Variants in LMOD3 observed in about 807,000 individuals in gnomAD.
LMOD3 encodes the protein leiomodin 3.
A neutral mutation model predicts 41.8 loss-of-function variants in LMOD3; 31 were observed. That is an observed-to-expected ratio of 0.74 (90% CI 0.56 to 1.00). The LOEUF (loss-of-function observed/expected upper bound fraction) is 1.00. LMOD3 is among the 50% of genes least tolerant of loss of function. The pLI is 0.00. For missense variants in LMOD3, 755 were observed against 679.5 expected (o/e 1.11, Z -1.23); for synonymous variants, 292 against 241.9 (o/e 1.21, Z -1.92).
Position 69,106,477 on chromosome 3 carries a change from G to T in LMOD3, c.*2618C>A, listed in dbSNP as rs569140832. On this transcript the variant is annotated 3_prime_UTR_variant, in exon 3 of 3. Coordinates refer to ENST00000420581, the MANE Select transcript of LMOD3 (RefSeq NM_198271.5). ...TACATTTAAAAACAAGCTAAAATCT[G>T]CAACTAAGATCTTTAGGGTTGGGTG... Among the ~76,000 whole-genome samples, 1 of 152,128 alleles carries T rather than the reference G, an allele frequency of 6.6e-6. No homozygotes were observed. Among genetic ancestry groups the T allele is most frequent in the Non-Finnish European group, 1.5e-5 (1 of 68,034 alleles).
chr3:69,109,183 GCAAAATTTA>G (rs2092337043), intron 2 of LMOD3, 62 bp from the exon 3 acceptor site: 2 of 1,514,520 alleles, frequency 1.3e-6, no homozygotes, highest in Non-Finnish European at 1.8e-6. Context: ...GAGCTTTGCA[GCAAAATTTA>G]CAAAATTTAC....
At chr3:69,120,949 A>G (rs1416659968) in intron 1 of LMOD3, among the ~76,000 whole-genome samples, 1 of 152,166 alleles carries the variant, frequency 6.6e-6, no homozygotes, top group Non-Finnish European at 1.5e-5. Context: ...CAGTATAGCA[A>G]GTTGAGACAC....
At position 69,111,954 on chromosome 3, in the gene LMOD3, C is replaced by T. The variant is rs564374706; in HGVS notation, c.1657-2833G>A. ...TTTAAAAATTAACCCTTTAATCTAT[C>T]CATAATATCAAATATTTTTTAAAAA... is the stretch of plus-strand genomic sequence containing the variant. On this transcript the variant is annotated intron_variant, in intron 2 of 2. Transcript: ENST00000420581. Among the ~76,000 whole-genome samples, 112 of 152,246 alleles carry T rather than the reference C, an allele frequency of 7.4e-4. 2 individuals carry two copies. The highest frequency in any genetic ancestry group is 2.5e-3 in the African/African-American group (102 of 41,542).
Position 69,109,100 on chromosome 3 carries a change from C to A in LMOD3, c.1678G>T (p.Ala560Ser). The change falls in exon 3 of 3, where the codon GCG becomes TCG. Residue 560 changes from alanine to serine, a missense_variant. By Grantham distance (99) the Ala-to-Ser change is moderately conservative (BLOSUM62 1). Coordinates refer to ENST00000420581, the MANE Select transcript of LMOD3 (RefSeq NM_198271.5). ...LKPVQLPKEL[A>S] ...CTAGATGGCTCTGTTGCCTCTTACG[C>A]CAGTTCTTTTGGCAGTTGCACCTGC... The A allele has an allele frequency of 6.2e-7, 1 of 1,601,582 alleles. No homozygotes were observed. The highest frequency in any genetic ancestry group is 8.5e-7 in the Non-Finnish European group (1 of 1,173,788).
At chr3:69,110,777 A>T (rs1421610492) in intron 2 of LMOD3, among the ~76,000 whole-genome samples, 1 of 141,314 alleles carries the variant, frequency 7.1e-6, no homozygotes, top group African/African-American at 2.7e-5. Flanking sequence ...CGGGAGGCAG[A>T]GGTTGCCTTG....
chr3:69,122,344 C>A lies in LMOD3; in HGVS notation c.43G>T (p.Asp15Tyr), dbSNP rs762330680. 1 of 1,612,104 alleles carries A rather than the reference C, an allele frequency of 6.2e-7. No homozygotes were observed. Among genetic ancestry groups the A allele is most frequent in the South Asian group, 1.1e-5 (1 of 90,894 alleles). ...ATTTCATCTTCATTAATCTCCTCAT[C>A]GAGAAGTTCTTCTTGATCTGAATTT... ...SRNSDQEELLDEEINEDEILA... is the reference protein window; with the variant it reads ...SRNSDQEELLYEEINEDEILA... The change falls in exon 1 of 3, where the codon GAT becomes TAT. Residue 15 changes from aspartate (D) to tyrosine (Y), a missense_variant. Coordinates refer to ENST00000420581, the MANE Select transcript of LMOD3 (RefSeq NM_198271.5).
Position 69,119,765 on chromosome 3 carries a change from T to A in LMOD3, c.590A>T (p.Lys197Ile), listed in dbSNP as rs1478024302. 6 of 1,613,258 alleles carry A rather than the reference T, an allele frequency of 3.7e-6. No homozygotes were observed. Among genetic ancestry groups the A allele is most frequent in the Non-Finnish European group, 4.2e-6 (5 of 1,179,568 alleles). ...NCQQVTDKAFKEQRDRPEAQE... is the reference protein window; with the variant it reads ...NCQQVTDKAFIEQRDRPEAQE... ...GGCCTCTGGTCTGTCTCTCTGTTCT[T>A]TGAATGCTTTGTCAGTTACCTGCTG... Residue 197 changes from lysine (K) to isoleucine (I), a missense_variant, in exon 2 of 3, where the codon AAA becomes ATA. Physicochemically the swap from Lys to Ile is moderately radical, Grantham distance 102. Transcript: ENST00000420581.
At chr3:69,109,491 A>G (rs1457553225) in intron 2 of LMOD3, among the ~76,000 whole-genome samples, 1 of 143,470 alleles carries the variant, frequency 7.0e-6, no homozygotes, top group Non-Finnish European at 1.5e-5. Flanking sequence ...TCACAAGGCT[A>G]TTATACAAGT....
chr3:69,119,293 G>A lies in LMOD3; in HGVS notation c.1062C>T (p.His354=). Residue 354 remains histidine (H), a synonymous_variant, in exon 2 of 3, where the codon CAC becomes CAT. Coordinates refer to ENST00000420581, the MANE Select transcript of LMOD3 (RefSeq NM_198271.5). ...RFHNQRHMLG[H]HAEMEIARLL... ...GCCTGGCTATTTCCATTTCAGCATG[G>A]TGACCCAACATGTGCCTCTGATTGT... is the stretch of plus-strand genomic sequence containing the variant. 6.2e-7 allele frequency: 1 copy of A among 1,613,916 alleles called. No individual in the cohort carries two copies. Among genetic ancestry groups the A allele is most frequent in the Non-Finnish European group, 8.5e-7 (1 of 1,179,878 alleles).
At chr3:69,114,254 A>C (rs114062794) in intron 2 of LMOD3, among the ~76,000 whole-genome samples, 1,812 of 152,236 alleles carry the variant, frequency 0.012, 10 homozygotes, top group Middle Eastern at 0.044. Context: ...ACATTCAAAA[A>C]CTTACACAAT....
rs1272096091 is a variant in LMOD3, at chr3:69,119,039, G to A, written c.1316C>T (p.Pro439Leu). The A allele has an allele frequency of 6.2e-7, 1 of 1,613,610 alleles. No individual in the cohort carries two copies. Among genetic ancestry groups the A allele is most frequent in the Admixed American group, 1.7e-5 (1 of 59,956 alleles). The part of the protein sequence containing the change: ...GMWELLGGPK[P>L]DSRMQEFFQP... ...GAAGAATTCCTGCATTCTGGAATCT[G>A]GCTTGGGTCCTCCCAACAGCTCCCA... Residue 439 changes from proline (P) to leucine (L), a missense_variant, in exon 2 of 3, where the codon CCA becomes CTA. Pro to Leu is a moderately conservative substitution (Grantham distance 98, BLOSUM62 -3). Transcript: ENST00000420581.
At position 69,122,377 on chromosome 3, in the gene LMOD3, GCT is replaced by G; in HGVS notation, c.8_9del (p.Glu3AlafsTer13). 6.3e-7 allele frequency: 1 copy of G among 1,576,932 alleles called. No homozygotes were observed. Among genetic ancestry groups the G allele is most frequent in the Non-Finnish European group, 8.6e-7 (1 of 1,159,708 alleles). On this transcript the variant is annotated frameshift_variant, in exon 1 of 3. Transcript: ENST00000420581. LOFTEE classifies it high-confidence loss of function. ...TCTTCTTGATCTGAATTTCTGCTGT[GCT>G]CTGACATTATTTTTTCTAAATATTA... MS[E>X]HSRNSDQEEL...
In LMOD3 at chr3:69,108,305, C is replaced by G. The variant is rs2092331972; in HGVS notation, c.*790G>C. ...TCAATAACTATATTATGTAAAACTT[C>G]TTTTCTATAAAAACAGCATGCTGTC... On this transcript the variant is annotated 3_prime_UTR_variant, in exon 3 of 3. Transcript: ENST00000420581. 6.6e-6 allele frequency: 1 copy of G among 152,074 alleles called. No individual in the cohort carries two copies. Among genetic ancestry groups the G allele is most frequent in the African/African-American group, 2.4e-5 (1 of 41,420 alleles). The allele number at this position is 152,074 out of a possible 1,614,324, so 9.4% of individuals were successfully genotyped here.
In LMOD3 at chr3:69,119,331, CAGTT is replaced by C. The variant is rs778840325; in HGVS notation, c.1020_1023del (p.Thr341SerfsTer19). On this transcript the variant is annotated frameshift_variant, in exon 2 of 3. Transcript: ENST00000420581. LOFTEE classifies it high-confidence loss of function. Reference sequence around the variant, plus strand: ...TGCCTCTGATTGTGAAACCGAAGCTCAGTTAGCGTCTCATTAAACTGGAGACACC... The same window carrying C: ...TGCCTCTGATTGTGAAACCGAAGCTCAGCGTCTCATTAAACTGGAGACACC... 17 of 1,613,822 alleles carry C rather than the reference CAGTT, an allele frequency of 1.1e-5. No homozygotes were observed. The highest frequency in any genetic ancestry group is 5.3e-5 in the African/African-American group (4 of 74,906).
Position 69,119,621 on chromosome 3 carries a change from AAGCTCCCATCC to A in LMOD3, c.723_733del (p.Asp242GlufsTer4), listed in dbSNP as rs769824247. On this transcript the variant is annotated frameshift_variant, in exon 2 of 3. Coordinates refer to ENST00000420581, the MANE Select transcript of LMOD3 (RefSeq NM_198271.5). LOFTEE classifies it high-confidence loss of function. ...AGGATCATTTTTCCTAACTCTCCTC[AAGCTCCCATCC>A]AGGTCTGTCTGGTTTCCTGAAGGCC... 1.5e-5 allele frequency: 24 copies of A among 1,613,656 alleles called. No individual in the cohort carries two copies. In the Admixed American group the frequency reaches 2.7e-4, roughly 18 times the overall value.
chr3:69,106,875 T>TC lies in LMOD3; in HGVS notation c.*2219_*2220insG, dbSNP rs1484401823. On this transcript the variant is annotated 3_prime_UTR_variant, in exon 3 of 3. Transcript: ENST00000420581. ...CTAATTTTGTATTTTTTTTTTTTTT[T>TC]TTTTTTTTTTTTAGTAGAAATGGGG... 6.8e-6 allele frequency: 1 copy of TC among 146,048 alleles called. No individual in the cohort carries two copies. Among genetic ancestry groups the TC allele is most frequent in the East Asian group, 2.0e-4 (1 of 5,086 alleles). 9.0% of individuals were successfully genotyped at this position (146,048 alleles called of 1,614,324 possible).
rs1005407873 is a variant in LMOD3, at chr3:69,107,915, A to G, written c.*1180T>C. On this transcript the variant is annotated 3_prime_UTR_variant, in exon 3 of 3. Coordinates refer to ENST00000420581, the MANE Select transcript of LMOD3 (RefSeq NM_198271.5). Reference sequence around the variant, plus strand: ...AGAAGGACAGATTGGAGTTGTCTGGAAAATTTTTTATGGAGGACACAGGAT... The same window carrying G: ...AGAAGGACAGATTGGAGTTGTCTGGGAAATTTTTTATGGAGGACACAGGAT... 1 of 152,206 alleles carries G rather than the reference A, an allele frequency of 6.6e-6. No homozygotes were observed. The highest frequency in any genetic ancestry group is 2.4e-5 in the African/African-American group (1 of 41,448). 9.4% of individuals were successfully genotyped at this position (152,206 alleles called of 1,614,324 possible).
At chr3:69,121,120 C>T (rs1160704208) in intron 1 of LMOD3, among the ~76,000 whole-genome samples, 2 of 152,170 alleles carry the variant, frequency 1.3e-5, no homozygotes, top group Non-Finnish European at 2.9e-5. Flanking sequence ...GAAGGAAAAA[C>T]ATGTTGCAAG....
intron 2 of LMOD3, among the ~76,000 whole-genome samples, chr3:69,117,613 G>A (rs1220559078): frequency 6.6e-6 from 1 of 151,978 alleles, no homozygotes; most frequent in Non-Finnish European, 1.5e-5. Flanking sequence ...TTTTCCACTC[G>A]GCAGTAATCG....
Sources: gnomAD v4.1 joint callset for allele counts (sites outside exome capture counted in the v4.1 genomes callset) on GRCh38, gnomAD v4.1.1 for gene constraint, MANE v1.5 for transcripts, NCBI Gene and HGNC (gene_info 2026-07-23, HGNC 2026-07-21) for gene names.